The following PHF24 variants were observed in gnomAD, a reference collection of about 807,000 sequenced individuals.
PHF24 encodes PHD finger protein 24.
PHF24 carries 25 observed loss-of-function variants against 42.6 expected under a neutral mutation model. The ratio of observed to expected loss-of-function variants is 0.59; its 90% CI spans 0.43 to 0.82. PHF24 has a LOEUF of 0.82. Ranked by LOEUF, PHF24 falls within the 40% of genes least tolerant of loss-of-function variation. The probability of loss-of-function intolerance (pLI) is 0.00; values close to 1 mark genes in which losing one functional copy is unlikely to be tolerated. For synonymous variants in PHF24, 185 were observed against 204.8 expected (o/e 0.90, Z 0.83); for missense variants, 470 against 538.1 (o/e 0.87, Z 1.25).
chr9:34,821,028 T>A, the PHF24 span, among the ~76,000 whole-genome samples: 1 of 152,166 alleles, frequency 6.6e-6, no homozygotes, highest in East Asian at 1.9e-4. Flanking sequence ...CACTCGTATG[T>A]CTTCTTTTGA....
chr9:34,850,562 T>C, the PHF24 span, among the ~76,000 whole-genome samples: 795 of 152,342 alleles, frequency 5.2e-3, 4 homozygotes, highest in Non-Finnish European at 8.9e-3. Context: ...CTCCTGTAGC[T>C]CAGAGTAGTT....
chr9:34,882,694 C>T, the PHF24 span, among the ~76,000 whole-genome samples: 3 of 152,160 alleles, frequency 2.0e-5, no homozygotes, highest in Non-Finnish European at 4.4e-5. Flanking sequence ...CTACAAACTA[C>T]TGCTCAACGA....
chr9:34,720,984 C>T, the PHF24 span, among the ~76,000 whole-genome samples: 10 of 152,304 alleles, frequency 6.6e-5, no homozygotes, highest in East Asian at 1.2e-3. Context: ...CCCACAGACA[C>T]GGTCCCTTCC....
At chr9:34,802,746 C>T in the PHF24 span, among the ~76,000 whole-genome samples, 2 of 152,268 alleles carry the variant, frequency 1.3e-5, no homozygotes, top group African/African-American at 4.8e-5. Context: ...TTTTCAGATC[C>T]TTTCCATTGT....
the PHF24 span, among the ~76,000 whole-genome samples, chr9:34,845,904 C>A: frequency 6.6e-6 from 1 of 152,174 alleles, no homozygotes; most frequent in East Asian, 1.9e-4. Context: ...CCAGTTTCAT[C>A]CATGTCCCTG....
chr9:34,777,630 G>C, the PHF24 span, among the ~76,000 whole-genome samples: 1 of 152,214 alleles, frequency 6.6e-6, no homozygotes, highest in East Asian at 1.9e-4. Context: ...TAGCAAAGTA[G>C]TGCTTTGCTC....
the PHF24 span, among the ~76,000 whole-genome samples, chr9:34,703,721 TA>T: frequency 7.6e-6 from 1 of 131,438 alleles, no homozygotes; most frequent in Non-Finnish European, 1.8e-5. Context: ...TGCTTTCACT[TA>T]AAAAAAAGTT....
the PHF24 span, among the ~76,000 whole-genome samples, chr9:34,843,384 TA>T: frequency 6.6e-6 from 1 of 152,262 alleles, no homozygotes; most frequent in Non-Finnish European, 1.5e-5. Flanking sequence ...TGTAACAAGT[TA>T]AAAAAATATC....
chr9:34,771,117 G>GTAAA, the PHF24 span, among the ~76,000 whole-genome samples: 1 of 152,088 alleles, frequency 6.6e-6, no homozygotes, highest in Non-Finnish European at 1.5e-5. Flanking sequence ...TTGTCTCGAA[G>GTAAA]TAAATAAATA....
At chr9:34,963,874 G>T (rs1826681082) in intron 1 of PHF24, among the ~76,000 whole-genome samples, 1 of 152,056 alleles carries the variant, frequency 6.6e-6, no homozygotes, top group African/African-American at 2.4e-5. Context: ...TTGGAGATTT[G>T]GTCTCATTAG....
the PHF24 span, among the ~76,000 whole-genome samples, chr9:34,818,197 G>A: frequency 1.3e-5 from 2 of 152,098 alleles, no homozygotes; most frequent in Non-Finnish European, 1.5e-5. Context: ...TATTGCATTG[G>A]CTAACTTGAG....
the PHF24 span, among the ~76,000 whole-genome samples, chr9:34,763,776 A>C: frequency 2.0e-5 from 3 of 152,146 alleles, no homozygotes; most frequent in Admixed American, 2.0e-4. Context: ...GTCTTGTGCC[A>C]GTTTTCAAAG....
the PHF24 span, among the ~76,000 whole-genome samples, chr9:34,899,851 T>TATC: frequency 1.8e-4 from 28 of 152,332 alleles, no homozygotes; most frequent in Non-Finnish European, 3.7e-4. Flanking sequence ...CCCAGCCTTA[T>TATC]ATCAGAATCA....
the PHF24 span, among the ~76,000 whole-genome samples, chr9:34,753,132 G>C: frequency 6.6e-6 from 1 of 152,074 alleles, no homozygotes; most frequent in Non-Finnish European, 1.5e-5. Flanking sequence ...TGACAAAGAT[G>C]CCTGTTTTCA....
At chr9:34,835,390 A>G in the PHF24 span, 5 of 1,550,880 alleles carry the variant, frequency 3.2e-6, no homozygotes, top group South Asian at 3.6e-5. Flanking sequence ...ACCTCTGGAA[A>G]TGCATCCATT....
At chr9:34,957,054 T>C (rs1030563763), upstream of PHF24, among the ~76,000 whole-genome samples, 2 of 152,186 alleles carry the variant, frequency 1.3e-5, no homozygotes, top group African/African-American at 2.4e-5. Flanking sequence ...AAACTAACAG[T>C]AGACTCCCTC....
At chr9:34,673,461 T>G in the PHF24 span, among the ~76,000 whole-genome samples, 2 of 151,972 alleles carry the variant, frequency 1.3e-5, no homozygotes, top group Admixed American at 6.6e-5. Context: ...GAGAAGCTTT[T>G]TTGTTGTTGT....
At chr9:34,958,144 C>T (rs1193376868), upstream of PHF24, among the ~76,000 whole-genome samples, 2 of 147,922 alleles carry the variant, frequency 1.4e-5, no homozygotes, top group Non-Finnish European at 3.0e-5. This position sits in a 1 kb window ranked among gnomAD's most constrained non-coding sequence, Gnocchi z 4.5. Flanking sequence ...GGGCGGGGCG[C>T]GCCCACCGGC....
At chr9:34,925,274 T>G in the PHF24 span, among the ~76,000 whole-genome samples, 68,845 of 151,980 alleles carry the variant, frequency 0.45, 16,120 homozygotes, top group Non-Finnish European at 0.51. Context: ...TTTATTGCTG[T>G]TTTTAGAATT....
Sources: gnomAD v4.1 joint callset for allele counts (sites outside exome capture counted in the v4.1 genomes callset) on GRCh38, gnomAD v4.1.1 for gene constraint, Gnocchi (gnomAD v3.1) non-coding constraint, MANE v1.5 for transcripts, NCBI Gene and HGNC (gene_info 2026-07-23, HGNC 2026-07-21) for gene names.